FGGY: variants seen among roughly 807,000 people sequenced by gnomAD.
The protein encoded by FGGY is FGGY carbohydrate kinase domain-containing protein.
FGGY carries 72 observed loss-of-function variants against 71.3 expected under a neutral mutation model. That is an observed-to-expected ratio of 1.01 (90% CI 0.84 to 1.23). The LOEUF (loss-of-function observed/expected upper bound fraction) is 1.23, where lower values mean the gene tolerates loss of function less well. Among genes scored for constraint, FGGY ranks in the 50% most tolerant of loss-of-function variants. The pLI is 0.00. For missense variants in FGGY, 668 were observed against 682.3 expected (o/e 0.98, Z 0.23); for synonymous variants, 251 against 250.3 (o/e 1.00, Z -0.02).
intron 6 of FGGY, among the ~76,000 whole-genome samples, chr1:59,500,356 A>T (rs1168157527): frequency 6.6e-6 from 1 of 152,152 alleles, no homozygotes; most frequent in Non-Finnish European, 1.5e-5. Context: ...CTTGTTAGGC[A>T]TGAGTGTGTT....
At chr1:59,664,297 A>C (rs2097303912) in intron 12 of FGGY, among the ~76,000 whole-genome samples, 1 of 152,348 alleles carries the variant, frequency 6.6e-6, no homozygotes, top group Middle Eastern at 3.4e-3. Flanking sequence ...AGGGTGGAGT[A>C]TTACACAGAT....
At chr1:59,397,490 C>T (rs1007141898) in intron 5 of FGGY, among the ~76,000 whole-genome samples, 5 of 152,158 alleles carry the variant, frequency 3.3e-5, no homozygotes, top group Non-Finnish European at 7.4e-5. Context: ...GAATACAAAC[C>T]ATGGAGGAAA....
At chr1:59,319,552 A>T (rs181109886) in intron 1 of FGGY, among the ~76,000 whole-genome samples, 1 of 152,198 alleles carries the variant, frequency 6.6e-6, no homozygotes, top group South Asian at 2.1e-4. Context: ...GCCTTTTCCA[A>T]GGAGAATTGA....
At chr1:59,638,576 C>T (rs915462848) in intron 11 of FGGY, among the ~76,000 whole-genome samples, 2 of 152,250 alleles carry the variant, frequency 1.3e-5, no homozygotes, top group East Asian at 3.8e-4. Context: ...ACCTTGAAAG[C>T]GTTAAAAGCA....
intron 12 of FGGY, among the ~76,000 whole-genome samples, chr1:59,662,836 C>G (rs1035186556): frequency 2.0e-5 from 3 of 152,112 alleles, no homozygotes; most frequent in Non-Finnish European, 4.4e-5. Context: ...GACAAAATCA[C>G]CTAACAATGC....
At chr1:59,533,234 G>C (rs1345210026) in intron 7 of FGGY, among the ~76,000 whole-genome samples, 1 of 146,658 alleles carries the variant, frequency 6.8e-6, no homozygotes, top group East Asian at 2.0e-4. Context: ...CCTAGTCAAA[G>C]AAAGGGGTGA....
At chr1:59,674,724 G>A (rs1379265842) in intron 14 of FGGY, among the ~76,000 whole-genome samples, 1 of 152,160 alleles carries the variant, frequency 6.6e-6, no homozygotes, top group Non-Finnish European at 1.5e-5. Flanking sequence ...CTTTCAAAAA[G>A]AGGAAACATA....
intron 12 of FGGY, among the ~76,000 whole-genome samples, chr1:59,663,378 G>A (rs369101799): frequency 5.9e-5 from 9 of 152,224 alleles, no homozygotes; most frequent in African/African-American, 1.7e-4. Flanking sequence ...CCTAAGAATC[G>A]TTTTTACTTA....
In FGGY at chr1:59,346,323, G is replaced by A; in HGVS notation, c.390G>A (p.Lys130=). The change falls in exon 4 of 16, where the codon AAG becomes AAA. Residue 130 remains lysine (K), a synonymous_variant. Coordinates refer to ENST00000303721, the MANE Select transcript of FGGY (RefSeq NM_018291.5). The part of the protein sequence containing the change: ...VSQVNRINET[K]HSVLQYVGGV... ...AAGTTAACAGGATCAATGAGACCAA[G>A]CACAGTGTCCTCCAGTACGTCGGGG... The A allele has an allele frequency of 6.2e-7, 1 of 1,612,378 alleles. No homozygotes were observed. The highest frequency in any genetic ancestry group is 1.1e-5 in the South Asian group (1 of 91,008).
At chr1:59,497,144 A>G (rs927892042) in intron 6 of FGGY, among the ~76,000 whole-genome samples, 3 of 152,218 alleles carry the variant, frequency 2.0e-5, no homozygotes, top group African/African-American at 7.2e-5. Flanking sequence ...GGTATTTCAT[A>G]GAGAAAGAAC....
chr1:59,337,540 C>T (rs2049843752), intron 2 of FGGY, among the ~76,000 whole-genome samples: 1 of 152,164 alleles, frequency 6.6e-6, no homozygotes, highest in Non-Finnish European at 1.5e-5. Flanking sequence ...GCTTCACTAA[C>T]CAGCTAGGCA....
intron 7 of FGGY, among the ~76,000 whole-genome samples, chr1:59,545,775 T>A (rs1558299830): frequency 6.6e-6 from 1 of 152,114 alleles, no homozygotes; most frequent in East Asian, 1.9e-4. Flanking sequence ...CATGGAGGAG[T>A]GTGGCATGAA....
intron 12 of FGGY, among the ~76,000 whole-genome samples, chr1:59,662,726 G>T (rs1162963790): frequency 6.6e-6 from 1 of 152,148 alleles, no homozygotes; most frequent in African/African-American, 2.4e-5. Flanking sequence ...TGCCGTATAA[G>T]TTTGTAGCCC....
At chr1:59,373,889 A>G (rs897423329) in intron 4 of FGGY, among the ~76,000 whole-genome samples, 5 of 152,232 alleles carry the variant, frequency 3.3e-5, no homozygotes, top group African/African-American at 4.8e-5. Flanking sequence ...CTTACACCCT[A>G]TACAAAAATT....
intron 6 of FGGY, among the ~76,000 whole-genome samples, chr1:59,481,450 C>T (rs574845336): frequency 4.2e-4 from 64 of 152,274 alleles, no homozygotes; most frequent in African/African-American, 1.5e-3. Flanking sequence ...TGCTTTCTCT[C>T]TTCCTGAATG....
intron 6 of FGGY, among the ~76,000 whole-genome samples, chr1:59,510,865 A>C (rs747688395): frequency 1.3e-5 from 2 of 152,252 alleles, no homozygotes; most frequent in African/African-American, 4.8e-5. Context: ...AAATTAATCT[A>C]GAAAAAGTAG....
At chr1:59,675,338 C>T (rs2097425654) in intron 14 of FGGY, among the ~76,000 whole-genome samples, 1 of 152,070 alleles carries the variant, frequency 6.6e-6, no homozygotes, top group Non-Finnish European at 1.5e-5. Context: ...TTCCTAATAC[C>T]TATAACAATG....
At chr1:59,708,197 AG>A (rs1259105009) in intron 14 of FGGY, among the ~76,000 whole-genome samples, 1 of 152,194 alleles carries the variant, frequency 6.6e-6, no homozygotes, top group Non-Finnish European at 1.5e-5. Flanking sequence ...AGAAATGGGA[AG>A]GAGGTTATGT....
intron 4 of FGGY, among the ~76,000 whole-genome samples, chr1:59,357,891 A>G (rs1242690464): frequency 6.6e-6 from 1 of 152,190 alleles, no homozygotes; most frequent in Non-Finnish European, 1.5e-5. Context: ...GGCCACCTCT[A>G]GGAGTCATTA....
Sources: gnomAD v4.1 joint callset for allele counts (sites outside exome capture counted in the v4.1 genomes callset) on GRCh38, gnomAD v4.1.1 for gene constraint, MANE v1.5 for transcripts, NCBI Gene and HGNC (gene_info 2026-07-23, HGNC 2026-07-21) for gene names.